AFAP1L2: variants seen among roughly 807,000 people sequenced by gnomAD.
The protein encoded by AFAP1L2 is actin filament associated protein 1 like 2, also known as actin filament-associated protein 1-like 2.
Under a neutral mutation model 99.3 loss-of-function variants are expected in AFAP1L2, and 46 were observed. That is an observed-to-expected ratio of 0.46 (90% confidence interval 0.37 to 0.59). The LOEUF is 0.59. AFAP1L2 is among the 20% of genes least tolerant of loss of function. The pLI, the probability that AFAP1L2 is intolerant of heterozygous loss-of-function variation, is 0.00. For synonymous variants in AFAP1L2, 397 were observed against 419.1 expected (o/e 0.95, Z 0.64); for missense variants, 959 against 1,034.9 (o/e 0.93, Z 1.01).
In AFAP1L2 at chr10:114,332,318, C is replaced by T. The variant is rs916446322; in HGVS notation, c.221-421G>A. Among the ~76,000 whole-genome samples, 4 of 152,204 alleles carry T rather than the reference C, an allele frequency of 2.6e-5. 1 individual carries two copies. The highest frequency in any genetic ancestry group is 2.6e-4 in the Admixed American group (4 of 15,286). ...CCAACCTCATCTGGATGAGCTCTGC[C>T]ATGTCCCAGGCTTGGTGAGGGGCAG... is the stretch of plus-strand genomic sequence containing the variant. On this transcript the variant is annotated intron_variant, in intron 3 of 18. Transcript: ENST00000304129.
chr10:114,340,268 C>A (rs1254789974), intron 2 of AFAP1L2, among the ~76,000 whole-genome samples: 2 of 150,974 alleles, frequency 1.3e-5, no homozygotes, highest in African/African-American at 4.9e-5. Context: ...TACAGTGAAC[C>A]ATGATCGCGC....
intron 1 of AFAP1L2, among the ~76,000 whole-genome samples, chr10:114,360,409 GCCTC>G (rs1289912693): frequency 6.6e-6 from 1 of 151,868 alleles, no homozygotes; most frequent in Non-Finnish European, 1.5e-5. Context: ...GGACTTCTCA[GCCTC>G]TATAATTGTG....
rs147246445 is a variant in AFAP1L2, at chr10:114,296,207, G to A, written c.2431-139C>T. The A allele has an allele frequency of 1.2e-4, 142 of 1,209,726 alleles. 1 individual carries two copies. The African/African-American group carries it at 1.8e-3, about 15-fold the overall frequency. 74.9% of individuals were successfully genotyped at this position (1,209,726 alleles called of 1,614,324 possible). A position where few individuals can be genotyped will look rare whatever the true frequency, so the allele number is the denominator to read the frequency against. ...AGAGGTGATAAATGTTTCAAACCCT[G>A]TGTGTTCATCACTGCTTAGAGTGCC... On this transcript the variant is annotated intron_variant, in intron 18 of 18. Coordinates refer to ENST00000304129, the MANE Select transcript of AFAP1L2 (RefSeq NM_001001936.3).
At chr10:114,297,489 G>A in intron 16 of AFAP1L2, 76 bp from the exon 17 acceptor site, 1 of 1,475,528 alleles carries the variant, frequency 6.8e-7, no homozygotes, top group African/African-American at 1.4e-5. Flanking sequence ...GTGGAGGCAG[G>A]GTCTACATAC....
intron 1 of AFAP1L2, among the ~76,000 whole-genome samples, chr10:114,380,048 G>A (rs2055399425): frequency 1.3e-5 from 2 of 152,236 alleles, no homozygotes. Flanking sequence ...AGTCTGAGAA[G>A]AGAATATAGC....
chr10:114,349,344 C>G (rs11196710), intron 1 of AFAP1L2, among the ~76,000 whole-genome samples: 1 of 146,200 alleles, frequency 6.8e-6, no homozygotes, highest in Non-Finnish European at 1.5e-5. Context: ...CACCATTGCT[C>G]TCCACTCCAG....
chr10:114,306,095 A>G (rs2042311916), intron 10 of AFAP1L2, among the ~76,000 whole-genome samples: 2 of 57,804 alleles, frequency 3.5e-5, no homozygotes, highest in African/African-American at 1.5e-4. Flanking sequence ...AAGGAGATGC[A>G]GATGCAGGAA....
At chr10:114,358,046 G>C (rs1020405869) in intron 1 of AFAP1L2, among the ~76,000 whole-genome samples, 5 of 152,170 alleles carry the variant, frequency 3.3e-5, no homozygotes, top group Non-Finnish European at 7.3e-5. Context: ...TCCCAGTGTG[G>C]TTCGGGAGTT....
Position 114,404,465 on chromosome 10 carries a change from G to T in AFAP1L2, c.-10C>A, listed in dbSNP as rs774648118. On this transcript the variant is annotated 5_prime_UTR_variant, in exon 1 of 19. Transcript: ENST00000304129. ...CTTTGTACCGCTCCATCGGGGCCAC[G>T]GAGTGCGCTCCTCGCGGCTCGGCTT... The T allele has an allele frequency of 3.1e-4, 473 of 1,539,162 alleles. No homozygotes were observed. Among genetic ancestry groups the T allele is most frequent in the Non-Finnish European group, 3.9e-4 (446 of 1,145,080 alleles).
At position 114,377,988 on chromosome 10, in the gene AFAP1L2, G is replaced by A. The variant is rs146535315; in HGVS notation, c.16+26452C>T. 2.1e-3 allele frequency among the ~76,000 whole-genome samples: 318 copies of A among 152,238 alleles called. No homozygotes were observed. Among genetic ancestry groups the A allele is most frequent in the African/African-American group, 7.3e-3 (303 of 41,538 alleles). ...TGCCACCCCTACGATAGGCTGTGTCGCTATTTGCCGTAAAGCCTCCCAGGC... is the reference window on the plus strand; with the variant it reads ...TGCCACCCCTACGATAGGCTGTGTCACTATTTGCCGTAAAGCCTCCCAGGC... On this transcript the variant is annotated intron_variant, in intron 1 of 18. Transcript: ENST00000304129. This position sits in a 1 kb window ranked among gnomAD's most constrained non-coding sequence, Gnocchi z 4.0.
the AFAP1L2 span, chr10:114,284,907 C>T: frequency 1.2e-6 from 2 of 1,606,218 alleles, no homozygotes; most frequent in South Asian, 1.1e-5. Context: ...CACATGTGTT[C>T]CAGAAGGACT....
chr10:114,361,741 T>A (rs2052453034), intron 1 of AFAP1L2, among the ~76,000 whole-genome samples: 1 of 152,194 alleles, frequency 6.6e-6, no homozygotes, highest in Non-Finnish European at 1.5e-5. Flanking sequence ...ACCAAATATG[T>A]ATGGAGCACC....
rs79268188 is a variant in AFAP1L2 at position 114,338,715 on chromosome 10, A to T, written c.145+1888T>A. Among the ~76,000 whole-genome samples, 1,366 of 152,348 alleles carry T rather than the reference A, an allele frequency of 9.0e-3. 23 individuals are homozygous for T. Among genetic ancestry groups the T allele is most frequent in the African/African-American group, 0.031 (1,307 of 41,582 alleles). On this transcript the variant is annotated intron_variant, in intron 2 of 18. Coordinates refer to ENST00000304129, the MANE Select transcript of AFAP1L2 (RefSeq NM_001001936.3). ...TTTATACAGAGCTCCAGCACAGGCA[A>T]TATCAACCAGCACAATGGTTGCTTG...
chr10:114,385,941 C>G (rs563646504), intron 1 of AFAP1L2, among the ~76,000 whole-genome samples: 15 of 152,230 alleles, frequency 9.9e-5, no homozygotes, highest in African/African-American at 2.6e-4. Context: ...CCCCCGCCCC[C>G]CCTCAGGAGT....
chr10:114,301,760 A>C, intron 12 of AFAP1L2: 1 of 424,964 alleles, frequency 2.4e-6, no homozygotes, highest in East Asian at 4.1e-5. Context: ...CCCTTCTAGG[A>C]TCTCCTTCCA....
At position 114,297,114 on chromosome 10, in the gene AFAP1L2, A is replaced by G; in HGVS notation, c.2308-14T>C. 1 of 1,613,854 alleles carries G rather than the reference A, an allele frequency of 6.2e-7. No homozygotes were observed. Among genetic ancestry groups the G allele is most frequent in the East Asian group, 2.2e-5 (1 of 44,870 alleles). ...GACAGCTTTGGGCTGTGGTTATAGGAGGAGAGCAAGGGCTGAGTCAAGGGG... is the reference window on the plus strand; with the variant it reads ...GACAGCTTTGGGCTGTGGTTATAGGGGGAGAGCAAGGGCTGAGTCAAGGGG... On this transcript the variant is annotated splice_polypyrimidine_tract_variant and intron_variant, in intron 17 of 18. Coordinates refer to ENST00000304129, the MANE Select transcript of AFAP1L2 (RefSeq NM_001001936.3).
At chr10:114,385,941 C>T (rs563646504) in intron 1 of AFAP1L2, among the ~76,000 whole-genome samples, 3 of 152,112 alleles carry the variant, frequency 2.0e-5, no homozygotes, top group Admixed American at 6.5e-5. Flanking sequence ...CCCCCGCCCC[C>T]CCTCAGGAGT....
chr10:114,325,858 T>G, intron 4 of AFAP1L2: 2 of 1,279,180 alleles, frequency 1.6e-6, no homozygotes, highest in Non-Finnish European at 2.0e-6. Flanking sequence ...CTCCCTAGGG[T>G]CCACAGGGAA....
At chr10:114,368,349 T>C (rs756354703) in intron 1 of AFAP1L2, among the ~76,000 whole-genome samples, 1 of 152,204 alleles carries the variant, frequency 6.6e-6, no homozygotes, top group Non-Finnish European at 1.5e-5. Context: ...GGATAAGGTC[T>C]GGAGGTCTAA....
Sources: gnomAD v4.1 joint callset for allele counts (sites outside exome capture counted in the v4.1 genomes callset) on GRCh38, gnomAD v4.1.1 for gene constraint, Gnocchi (gnomAD v3.1) non-coding constraint, MANE v1.5 for transcripts, NCBI Gene and HGNC (gene_info 2026-07-23, HGNC 2026-07-21) for gene names.